SLC12A2: variants seen among roughly 807,000 people sequenced by gnomAD.
The protein encoded by SLC12A2 is solute carrier family 12 member 2.
SLC12A2 carries 67 observed loss-of-function variants against 136.3 expected under a neutral mutation model. The observed-to-expected ratio is 0.49, with a 90% confidence interval of 0.40 to 0.60. The LOEUF (loss-of-function observed/expected upper bound fraction) is 0.60, where lower values mean the gene tolerates loss of function less well. SLC12A2 is among the 20% of genes least tolerant of loss of function. The pLI, the probability that SLC12A2 is intolerant of heterozygous loss-of-function variation, is 0.00. For synonymous variants in SLC12A2, 619 were observed against 562.9 expected (o/e 1.10, Z -1.41); for missense variants, 1,322 against 1,534.7 (o/e 0.86, Z 2.32).
chr5:128,124,405 C>T (rs1458890412), intron 4 of SLC12A2, among the ~76,000 whole-genome samples: 1 of 152,176 alleles, frequency 6.6e-6, no homozygotes, highest in Non-Finnish European at 1.5e-5. Flanking sequence ...CAATTCCAGG[C>T]CTCCTGTACC....
chr5:128,178,274 T>A (rs527811265), intron 21 of SLC12A2: 7 of 180,010 alleles, frequency 3.9e-5, no homozygotes, highest in Non-Finnish European at 2.3e-5. Context: ...TAATTTTTTT[T>A]ATTGTTATTT....
intron 1 of SLC12A2, among the ~76,000 whole-genome samples, chr5:128,091,476 T>G (rs1581048521): frequency 6.6e-6 from 1 of 152,320 alleles, no homozygotes; most frequent in Middle Eastern, 3.4e-3. Context: ...TTTCAAATAC[T>G]GTACAAAGGG....
Position 128,084,962 on chromosome 5 carries a change from G to T in SLC12A2, c.756+252G>T, listed in dbSNP as rs879440727. Among the ~76,000 whole-genome samples, 2 of 149,780 alleles carry T rather than the reference G, an allele frequency of 1.3e-5. No individual in the cohort carries two copies. The highest frequency in any genetic ancestry group is 3.0e-5 in the Non-Finnish European group (2 of 67,602). ...CTAACAACCTTCCCCATCCAGTTAGGTATCTCGTGTGCACTTTCTTTCCCA... is the reference window on the plus strand; with the variant it reads ...CTAACAACCTTCCCCATCCAGTTAGTTATCTCGTGTGCACTTTCTTTCCCA... On this transcript the variant is annotated intron_variant, in intron 1 of 26. Transcript: ENST00000262461. The surrounding 1 kb of genome is among the most constrained non-coding windows in gnomAD (Gnocchi z 5.6).
At chr5:128,129,664 T>C (rs1238931460) in intron 4 of SLC12A2, among the ~76,000 whole-genome samples, 1 of 152,176 alleles carries the variant, frequency 6.6e-6, no homozygotes, top group Non-Finnish European at 1.5e-5. Context: ...ATTTACCTTC[T>C]TTATACTGGG....
At position 128,141,950 on chromosome 5, in the gene SLC12A2, C is replaced by G; in HGVS notation, c.1742C>G (p.Pro581Arg). ...NFDFSSCESSPCSYGLMNNFQ... is the reference protein window; with the variant it reads ...NFDFSSCESSRCSYGLMNNFQ... ...GATTTTTCATCTTGTGAAAGCAGTC[C>G]TTGTTCCTATGGCCTAATGAACAAC... The change falls in exon 10 of 27, where the codon CCT becomes CGT. Residue 581 changes from proline to arginine, a missense_variant. Physicochemically the swap from Pro to Arg is moderately radical, Grantham distance 103. Transcript: ENST00000262461. The G allele has an allele frequency of 6.2e-7, 1 of 1,613,898 alleles. No homozygotes were observed. Among genetic ancestry groups the G allele is most frequent in the Non-Finnish European group, 8.5e-7 (1 of 1,179,912 alleles).
At chr5:128,157,261 A>G (rs901098795) in intron 15 of SLC12A2, among the ~76,000 whole-genome samples, 6 of 152,170 alleles carry the variant, frequency 3.9e-5, no homozygotes, top group African/African-American at 1.2e-4. Context: ...GGAGACCTGT[A>G]TATTTTTTAC....
intron 1 of SLC12A2, among the ~76,000 whole-genome samples, chr5:128,096,553 A>G (rs1258642039): frequency 6.6e-6 from 1 of 152,052 alleles, no homozygotes; most frequent in Admixed American, 6.6e-5. Flanking sequence ...TTTGAATCTC[A>G]TTATTTTAGT....
chr5:128,135,609 C>T lies in SLC12A2; in HGVS notation c.1300-91C>T, dbSNP rs1762161784. The T allele has an allele frequency of 3.5e-6, 3 of 851,000 alleles. No homozygotes were observed. The Admixed American group carries it at 6.2e-5, about 18-fold the overall frequency. 52.7% of individuals were successfully genotyped at this position (851,000 alleles called of 1,614,324 possible). On this transcript the variant is annotated intron_variant, in intron 6 of 26. Transcript: ENST00000262461. ...AATCAGGCAAAACAAGACAGAAATT[C>T]TTTCCCTCATGGAAGTTATATTCTA...
chr5:128,096,565 T>G (rs367846376), intron 1 of SLC12A2, among the ~76,000 whole-genome samples: 13 of 152,074 alleles, frequency 8.5e-5, no homozygotes, highest in African/African-American at 2.9e-4. Context: ...TATTTTAGTT[T>G]AAAATAAAAC....
At chr5:128,163,582 G>T (rs529422747) in intron 17 of SLC12A2, among the ~76,000 whole-genome samples, 1 of 151,928 alleles carries the variant, frequency 6.6e-6, no homozygotes, top group East Asian at 1.9e-4. Flanking sequence ...AAAAAGAATC[G>T]GAAGTAACAA....
intron 20 of SLC12A2, 121 bp downstream of exon 20, chr5:128,174,787 C>T (rs1763490908): frequency 7.9e-6 from 6 of 757,558 alleles, no homozygotes; most frequent in East Asian, 3.3e-5. Flanking sequence ...CTGGTCATTT[C>T]TAGCTGGTCA....
At chr5:128,110,550 A>C (rs1761106203) in intron 1 of SLC12A2, 1 of 1,301,558 alleles carries the variant, frequency 7.7e-7, no homozygotes, top group South Asian at 1.2e-5. Flanking sequence ...AACACATTTC[A>C]TTTTTTGATT....
intron 4 of SLC12A2, among the ~76,000 whole-genome samples, chr5:128,128,694 A>G (rs1285462925): frequency 6.6e-6 from 1 of 151,986 alleles, no homozygotes; most frequent in Non-Finnish European, 1.5e-5. Context: ...GGATGACAAC[A>G]GTACTTTAGT....
At position 128,174,816 on chromosome 5, in the gene SLC12A2, CAA is replaced by C. The variant is rs1763491452; in HGVS notation, c.2929+154_2929+155del. On this transcript the variant is annotated intron_variant, in intron 20 of 26. Transcript: ENST00000262461. ...CTGGTCAGGTAAAATTTATGGCTTTCAAAAATGGCTACAAAATGACTAGCTGT... is the reference window on the plus strand; with the variant it reads ...CTGGTCAGGTAAAATTTATGGCTTTCAAATGGCTACAAAATGACTAGCTGT... 5 of 558,816 alleles carry C rather than the reference CAA, an allele frequency of 8.9e-6. No homozygotes were observed. The Middle Eastern group carries it at 1.5e-3, about 173-fold the overall frequency. The allele number at this position is 558,816 out of a possible 1,614,324, so 34.6% of individuals were successfully genotyped here. A position where few individuals can be genotyped will look rare whatever the true frequency, so the allele number is the denominator to read the frequency against.
intron 26 of SLC12A2, 56 bp downstream of exon 26, chr5:128,184,912 T>A (rs1353048996): frequency 7.0e-7 from 1 of 1,421,646 alleles, no homozygotes; most frequent in Non-Finnish European, 9.9e-7. Context: ...ATGCTTTGAA[T>A]TAATTTCTAT....
At chr5:128,166,253 C>T (rs1763200809) in intron 17 of SLC12A2, among the ~76,000 whole-genome samples, 1 of 151,770 alleles carries the variant, frequency 6.6e-6, no homozygotes, top group South Asian at 2.1e-4. Flanking sequence ...AAATTAGTGA[C>T]ATAAATATGA....
At chr5:128,160,295 A>C (rs1158453451) in intron 16 of SLC12A2, among the ~76,000 whole-genome samples, 1 of 152,114 alleles carries the variant, frequency 6.6e-6, no homozygotes, top group Non-Finnish European at 1.5e-5. Context: ...TGTAGGTGAC[A>C]GGTTGATGGG....
At chr5:128,134,123 A>G (rs748925480) in intron 5 of SLC12A2, 42 bp from the exon 6 acceptor site, 4 of 1,030,802 alleles carry the variant, frequency 3.9e-6, no homozygotes, top group Non-Finnish European at 6.1e-6. Flanking sequence ...GTGTATAAAA[A>G]TAACTAGTAT....
intron 1 of SLC12A2, among the ~76,000 whole-genome samples, chr5:128,097,863 A>C (rs992747277): frequency 6.6e-6 from 1 of 152,010 alleles, no homozygotes; most frequent in East Asian, 1.9e-4. Context: ...CACTTCTTGT[A>C]ATGGAGGTCA....
Sources: allele counts gnomAD v4.1 joint callset (sites outside exome capture counted in the v4.1 genomes callset), GRCh38; gene constraint gnomAD v4.1.1; non-coding constraint Gnocchi (gnomAD v3.1); transcripts MANE v1.5; gene names NCBI Gene and HGNC (gene_info 2026-07-23, HGNC 2026-07-21).